Variants in TMTC1 observed in about 807,000 individuals in gnomAD.
TMTC1 encodes the protein protein O-mannosyl-transferase TMTC1.
A neutral mutation model predicts 104.8 loss-of-function variants in TMTC1; 73 were observed. The ratio of observed to expected loss-of-function variants is 0.70; its 90% CI spans 0.58 to 0.85. The LOEUF is 0.85. Ranked by LOEUF, TMTC1 falls within the 40% of genes least tolerant of loss-of-function variation. TMTC1 has a pLI of 0.00. For missense variants in TMTC1, 1,035 were observed against 1,096.1 expected (o/e 0.94, Z 0.79); for synonymous variants, 434 against 428.7 (o/e 1.01, Z -0.15).
At chr12:29,720,069 G>A (rs181140275) in intron 5 of TMTC1, among the ~76,000 whole-genome samples, 5 of 152,256 alleles carry the variant, frequency 3.3e-5, no homozygotes, top group African/African-American at 1.2e-4. Context: ...GGATCTGCTG[G>A]TGCTCTCTCG....
rs542024286 is a variant in TMTC1, at chr12:29,512,266, C to T, written c.2431-146G>A. The T allele has an allele frequency of 2.3e-5, 13 of 575,970 alleles. No individual in the cohort carries two copies. In the African/African-American group the frequency reaches 2.3e-4, roughly 10 times the overall value. The allele number at this position is 575,970 out of a possible 1,614,324, so 35.7% of individuals were successfully genotyped here. ...AGTTCACAGGAGACCCTGCTTATTT[C>T]TATTATTTTTCAAAGTTGATGATTC... On this transcript the variant is annotated intron_variant, in intron 16 of 17. Transcript: ENST00000539277.
rs1943194908 is a variant in TMTC1 at position 29,755,575 on chromosome 12, G to A, written c.731+134C>T. The A allele has an allele frequency of 5.7e-6, 4 of 704,848 alleles. 1 individual carries two copies. In the South Asian group the frequency reaches 6.8e-5, roughly 12 times the overall value. The allele number at this position is 704,848 out of a possible 1,614,324, so 43.7% of individuals were successfully genotyped here. A position where few individuals can be genotyped will look rare whatever the true frequency, so the allele number is the denominator to read the frequency against. On this transcript the variant is annotated intron_variant, in intron 4 of 17. Coordinates refer to ENST00000539277, the MANE Select transcript of TMTC1 (RefSeq NM_001193451.2). Reference sequence around the variant, plus strand: ...TTATCTTAATGAAATAAGCCTTGTTGATTACGTGACAGTCTAAGGTGAGAT... The same window carrying A: ...TTATCTTAATGAAATAAGCCTTGTTAATTACGTGACAGTCTAAGGTGAGAT...
intron 6 of TMTC1, 35 bp from the exon 7 acceptor site, chr12:29,604,334 C>T (rs1220519077): frequency 1.2e-6 from 2 of 1,612,154 alleles, no homozygotes; most frequent in South Asian, 2.2e-5. Context: ...ACATTAACTT[C>T]TGTTGAATTC....
intron 5 of TMTC1, among the ~76,000 whole-genome samples, chr12:29,688,230 A>G (rs1175344480): frequency 6.6e-6 from 1 of 152,162 alleles, no homozygotes; most frequent in African/African-American, 2.4e-5. Context: ...CTAAGGGTCA[A>G]CCAGAAAATC....
chr12:29,541,022 C>A (rs1329415549), intron 10 of TMTC1, among the ~76,000 whole-genome samples: 1 of 151,864 alleles, frequency 6.6e-6, no homozygotes, highest in African/African-American at 2.4e-5. Flanking sequence ...AACAAACAAA[C>A]AAAAAGCCAT....
chr12:29,517,402 C>T (rs1381888264), intron 14 of TMTC1, 25 bp downstream of exon 14: 1 of 1,613,342 alleles, frequency 6.2e-7, no homozygotes, highest in South Asian at 1.1e-5. Flanking sequence ...AGGTTGCCAG[C>T]TTCATTTTCT....
intron 5 of TMTC1, among the ~76,000 whole-genome samples, chr12:29,678,728 T>C (rs1171895625): frequency 6.7e-6 from 1 of 150,238 alleles, no homozygotes; most frequent in Non-Finnish European, 1.5e-5. Context: ...AATTCATCTT[T>C]TGGAAACAAA....
chr12:29,545,473 C>T (rs1333479212), intron 10 of TMTC1, among the ~76,000 whole-genome samples: 2 of 152,076 alleles, frequency 1.3e-5, no homozygotes, highest in Non-Finnish European at 2.9e-5. Flanking sequence ...AACCCTGTCT[C>T]TATTAAAAAT....
In TMTC1 at chr12:29,617,437, A is replaced by G. The variant is rs78269193; in HGVS notation, c.1129-13138T>C. ...GGGCACTGTACTTACTTAGAAGCAAACACTTAAAGAATTTAGCAATCAATC... is the reference window on the plus strand; with the variant it reads ...GGGCACTGTACTTACTTAGAAGCAAGCACTTAAAGAATTTAGCAATCAATC... On this transcript the variant is annotated intron_variant, in intron 6 of 17. Transcript: ENST00000539277. 2.7e-4 allele frequency among the ~76,000 whole-genome samples: 41 copies of G among 152,252 alleles called. 1 individual carries two copies. The East Asian group carries it at 7.4e-3, about 27-fold the overall frequency.
At chr12:29,682,451 T>C (rs1228112425) in intron 5 of TMTC1, among the ~76,000 whole-genome samples, 1 of 152,136 alleles carries the variant, frequency 6.6e-6, no homozygotes, top group Non-Finnish European at 1.5e-5. Flanking sequence ...GCAGCTTTAG[T>C]TGTAATAGCG....
chr12:29,652,819 T>C (rs1208783652), intron 5 of TMTC1, among the ~76,000 whole-genome samples: 1 of 152,186 alleles, frequency 6.6e-6, no homozygotes, highest in Admixed American at 6.5e-5. Context: ...TCCAGCATTT[T>C]GGGAAGCCTA....
At chr12:29,680,267 C>T (rs1487026929) in intron 5 of TMTC1, among the ~76,000 whole-genome samples, 1 of 152,066 alleles carries the variant, frequency 6.6e-6, no homozygotes, top group East Asian at 1.9e-4. Context: ...CAGAAGTCTC[C>T]ACTGAAAAAG....
chr12:29,589,212 T>C (rs1001386214), intron 7 of TMTC1, among the ~76,000 whole-genome samples: 1 of 152,182 alleles, frequency 6.6e-6, no homozygotes, highest in Non-Finnish European at 1.5e-5. Context: ...TTCCCATTTT[T>C]CCCTCCAGCC....
intron 11 of TMTC1, among the ~76,000 whole-genome samples, chr12:29,531,834 T>G (rs977114883): frequency 9.9e-5 from 15 of 152,172 alleles, no homozygotes; most frequent in African/African-American, 3.1e-4. Context: ...CTTCTGGGTT[T>G]CTTTTATCTC....
chr12:29,766,711 T>C (rs146450209), intron 2 of TMTC1, among the ~76,000 whole-genome samples: 3 of 152,132 alleles, frequency 2.0e-5, no homozygotes, highest in African/African-American at 7.2e-5. Flanking sequence ...TTACTGCAGG[T>C]GTGTACTCAG....
chr12:29,658,224 C>CA (rs1223904894), intron 5 of TMTC1, among the ~76,000 whole-genome samples: 7 of 150,098 alleles, frequency 4.7e-5, no homozygotes, highest in African/African-American at 9.8e-5. Context: ...TCTGCAAATA[C>CA]AAAAAAAAAG....
intron 10 of TMTC1, among the ~76,000 whole-genome samples, chr12:29,538,930 C>T (rs1944718694): frequency 6.6e-6 from 1 of 152,200 alleles, no homozygotes; most frequent in African/African-American, 2.4e-5. Flanking sequence ...TTGGGAGCCG[C>T]TGAGTGTCAT....
chr12:29,627,009 G>A lies in TMTC1; in HGVS notation c.1128+6138C>T, dbSNP rs371153622. ...CTCAGCTACTCGGGAGGCTGAGGCA[G>A]GAGAATTGCTTGAGCCCGGGAGGCG... On this transcript the variant is annotated intron_variant, in intron 6 of 17. Coordinates refer to ENST00000539277, the MANE Select transcript of TMTC1 (RefSeq NM_001193451.2). 1.4e-4 allele frequency among the ~76,000 whole-genome samples: 22 copies of A among 152,254 alleles called. No individual in the cohort carries two copies. In the East Asian group the frequency reaches 3.3e-3, roughly 23 times the overall value.
intron 5 of TMTC1, among the ~76,000 whole-genome samples, chr12:29,750,601 A>G (rs1943066637): frequency 6.6e-6 from 1 of 152,262 alleles, no homozygotes. Flanking sequence ...AAAGGCAAGA[A>G]TAACTGGAAA....
Sources: allele counts gnomAD v4.1 joint callset (sites outside exome capture counted in the v4.1 genomes callset), GRCh38; gene constraint gnomAD v4.1.1; transcripts MANE v1.5; gene names NCBI Gene and HGNC (gene_info 2026-07-23, HGNC 2026-07-21).